The following NPHS1 variants were observed in gnomAD, a reference collection of about 807,000 sequenced individuals.
NPHS1 encodes NPHS1 adhesion molecule, nephrin.
NPHS1 carries 107 observed loss-of-function variants against 139.7 expected under a neutral mutation model. The ratio of observed to expected loss-of-function variants is 0.77; its 90% CI spans 0.66 to 0.90. NPHS1 has a LOEUF of 0.90. Among genes scored for constraint, NPHS1 ranks in the 40% least tolerant of loss-of-function variants. The pLI is 0.00. For synonymous variants in NPHS1, 707 were observed against 706.6 expected (o/e 1.00, Z -0.01); for missense variants, 1,580 against 1,654.2 (o/e 0.96, Z 0.78).
intron 28 of NPHS1, among the ~76,000 whole-genome samples, chr19:35,828,119 G>A (rs771293611): frequency 1.3e-5 from 2 of 152,090 alleles, no homozygotes; most frequent in Non-Finnish European, 2.9e-5. Context: ...AGCCCTAACT[G>A]GGGATGTATT....
chr19:35,849,655 T>G lies in NPHS1; in HGVS notation c.609-2A>C, dbSNP rs386833955. 2 of 1,608,128 alleles carry G rather than the reference T, an allele frequency of 1.2e-6. No homozygotes were observed. The highest frequency in any genetic ancestry group is 1.7e-6 in the Non-Finnish European group (2 of 1,174,714). On this transcript the variant is annotated splice_acceptor_variant, in intron 5 of 28. Transcript: ENST00000378910. LOFTEE classifies it high-confidence loss of function. The stretch of plus-strand genomic sequence containing the variant: ...TTATCTGAGCTCCGGGGTGTCACCC[T>G]GGGATGAGAAGTCAGGGTTATAGAG...
intron 28 of NPHS1, among the ~76,000 whole-genome samples, chr19:35,830,357 T>C: frequency 6.6e-6 from 1 of 152,254 alleles, no homozygotes; most frequent in South Asian, 2.1e-4. Context: ...CTCATTCATG[T>C]AGACTCGGTT....
At chr19:35,851,740 G>T (rs1177379493) in intron 1 of NPHS1, 40 bp downstream of exon 1, 1 of 1,558,624 alleles carries the variant, frequency 6.4e-7, no homozygotes, top group Admixed American at 1.9e-5. Flanking sequence ...GGGAAATGGG[G>T]GCCACTTGGC....
chr19:35,845,848 G>A lies in NPHS1; in HGVS notation c.1628-50C>T. 1 of 1,592,150 alleles carries A rather than the reference G, an allele frequency of 6.3e-7. No homozygotes were observed. The highest frequency in any genetic ancestry group is 8.6e-7 in the Non-Finnish European group (1 of 1,166,128). On this transcript the variant is annotated intron_variant, in intron 12 of 28. Coordinates refer to ENST00000378910, the MANE Select transcript of NPHS1 (RefSeq NM_004646.4). This position sits in a 1 kb window ranked among gnomAD's most constrained non-coding sequence, Gnocchi z 5.5. Reference sequence around the variant, plus strand: ...AGACTCAGAGGTTAGGGGCGGCCTGGTCTGCGTCCACCCCGCCTGCACCCC... The same window carrying A: ...AGACTCAGAGGTTAGGGGCGGCCTGATCTGCGTCCACCCCGCCTGCACCCC...
In NPHS1 at chr19:35,848,658, G is replaced by C; in HGVS notation, c.1149C>G (p.Pro383=). The C allele has an allele frequency of 6.2e-7, 1 of 1,613,822 alleles. No homozygotes were observed. The highest frequency in any genetic ancestry group is 8.5e-7 in the Non-Finnish European group (1 of 1,180,010). Residue 383 remains proline, a synonymous_variant, in exon 9 of 29, where the codon CCC becomes CCG. Coordinates refer to ENST00000378910, the MANE Select transcript of NPHS1 (RefSeq NM_004646.4). ...RWWLGWRQLL[P]MEETVMDGLH... is the part of the protein sequence containing the mutation. ...TCACATCCATGACTGTCTCCTCCAT[G>C]GGCAGCAGCTGCCGCCAGCCCAGCC...
Position 35,844,224 on chromosome 19 carries a change from G to A in NPHS1, c.2091C>T (p.Arg697=). The A allele has an allele frequency of 6.2e-7, 1 of 1,613,094 alleles. No homozygotes were observed. Among genetic ancestry groups the A allele is most frequent in the Non-Finnish European group, 8.5e-7 (1 of 1,179,938 alleles). The change falls in exon 16 of 29, where the codon CGC becomes CGT. Residue 697 remains arginine (R), a synonymous_variant. Coordinates refer to ENST00000378910, the MANE Select transcript of NPHS1 (RefSeq NM_004646.4). ...RLSPAGGPRH[R]ILSSGALHLW... is the part of the protein sequence containing the mutation. ...GATGCAGAGCCCCGCTGGACAGGAT[G>A]CGATGCCGGGGGCCGCCCGCTGGGG...
rs773027675 is a variant in NPHS1, at chr19:35,849,652, C to T, written c.610G>A (p.Val204Met). Residue 204 changes from valine (V) to methionine (M), a missense_variant and splice_region_variant, in exon 6 of 29, where the codon GTG (valine) becomes ATG (methionine). Transcript: ENST00000378910. ...KLFTVEATARVTPRSSDNRQL... is the reference protein window; with the variant it reads ...KLFTVEATARMTPRSSDNRQL... ...CTATTATCTGAGCTCCGGGGTGTCACCCTGGGATGAGAAGTCAGGGTTATA... is the reference window on the plus strand; with the variant it reads ...CTATTATCTGAGCTCCGGGGTGTCATCCTGGGATGAGAAGTCAGGGTTATA... 1.6e-5 allele frequency: 25 copies of T among 1,612,460 alleles called. No individual in the cohort carries two copies. In the Middle Eastern group the frequency reaches 1.6e-3, roughly 106 times the overall value.
Position 35,831,315 on chromosome 19 carries a change from C to A in NPHS1, c.3368G>T (p.Arg1123Leu). The A allele has an allele frequency of 1.2e-6, 2 of 1,614,002 alleles. No individual in the cohort carries two copies. Among genetic ancestry groups the A allele is most frequent in the African/African-American group, 1.3e-5 (1 of 74,996 alleles). ...ACTTACCGTGGAGCTCTGAGTGTCC[C>A]GCTCTCCTGTCCACTGGCTCTCCTC... ...EYEESQWTGE[R>L]DTQSSTVSTT... The change falls in exon 26 of 29, where the codon CGG becomes CTG. Residue 1123 changes from arginine (R) to leucine (L), a missense_variant. By Grantham distance (102) the Arg-to-Leu change is moderately radical. Coordinates refer to ENST00000378910, the MANE Select transcript of NPHS1 (RefSeq NM_004646.4).
chr19:35,827,358 G>A (rs1465940214), intron 28 of NPHS1, among the ~76,000 whole-genome samples: 1 of 152,006 alleles, frequency 6.6e-6, no homozygotes, highest in Non-Finnish European at 1.5e-5. Flanking sequence ...AGATACTCAG[G>A]AGGCTGAGGT....
In NPHS1 at chr19:35,826,629, T is replaced by C. The variant is rs756185982; in HGVS notation, c.3611A>G (p.His1204Arg). ...DEVQMGPWDL[H>R]WPEDTYQDPR... is the part of the protein sequence containing the mutation. ...ATCCTGATATGTGTCTTCAGGCCAG[T>C]GGAGGTCCCAGGGTCCCTGACAGGC... Residue 1204 changes from histidine (H) to arginine (R), a missense_variant, in exon 29 of 29, where the codon CAC (histidine) becomes CGC (arginine). Transcript: ENST00000378910. The C allele has an allele frequency of 9.9e-6, 16 of 1,614,088 alleles. No homozygotes were observed. In the East Asian group the frequency reaches 2.7e-4, roughly 27 times the overall value.
In NPHS1 at chr19:35,845,375, G is replaced by A. The variant is rs756902068; in HGVS notation, c.1923C>T (p.Asn641=). The change falls in exon 14 of 29, where the codon AAC becomes AAT. Residue 641 remains asparagine (N), a synonymous_variant. Transcript: ENST00000378910. This position sits in a 1 kb window ranked among gnomAD's most constrained non-coding sequence, Gnocchi z 5.5. ...TCAGGCCGGGGCACATACACAGTAC[G>A]TTGAGGCGATAGAAGGAGCTCACGG... ...RETVSSFYRL[N]VLYRPEFLGE... 1 of 1,614,260 alleles carries A rather than the reference G, an allele frequency of 6.2e-7. No individual in the cohort carries two copies. Among genetic ancestry groups the A allele is most frequent in the South Asian group, 1.1e-5 (1 of 91,088 alleles).
At chr19:35,829,339 C>T (rs950401571) in intron 28 of NPHS1, among the ~76,000 whole-genome samples, 1 of 152,190 alleles carries the variant, frequency 6.6e-6, no homozygotes, top group Non-Finnish European at 1.5e-5. Context: ...TTGAAGATTT[C>T]TAATCTCGTA....
At chr19:35,851,204 G>T in intron 3 of NPHS1, 58 bp downstream of exon 3, 1 of 1,613,366 alleles carries the variant, frequency 6.2e-7, no homozygotes, top group Non-Finnish European at 8.5e-7. Flanking sequence ...TCCGGGTTGC[G>T]GGGTAGGGGA....
chr19:35,825,505 T>A lies in NPHS1; in HGVS notation c.*1009A>T, dbSNP rs1303456279. 6.6e-6 allele frequency among the ~76,000 whole-genome samples: 1 copy of A among 152,170 alleles called. No homozygotes were observed. ...CCACCACCACAATCGTTATATAGAA[T>A]ATTTCCAACACCTCAGAAAGTTCTC... On this transcript the variant is annotated 3_prime_UTR_variant, in exon 29 of 29. Coordinates refer to ENST00000378910, the MANE Select transcript of NPHS1 (RefSeq NM_004646.4).
At position 35,851,858 on chromosome 19, in the gene NPHS1, C is replaced by T; in HGVS notation, c.-21G>A. On this transcript the variant is annotated 5_prime_UTR_variant, in exon 1 of 29. Transcript: ENST00000378910. ...GCCATCACAGGTCCCCCTACTGTGA[C>T]CCCCACAGCGCCCGCTGCCAGCCAC... 1 of 1,548,734 alleles carries T rather than the reference C, an allele frequency of 6.5e-7. No individual in the cohort carries two copies. Among genetic ancestry groups the T allele is most frequent in the Non-Finnish European group, 8.7e-7 (1 of 1,145,368 alleles).
rs1318330906 is a variant in NPHS1 at position 35,852,298 on chromosome 19, C to G, written c.-461G>C. ...TCCTTTTGTCTCTGTCTCTTCCTCTCTCTCTGTCTCTCTCTCTCTCTCTCT... is the reference window on the plus strand; with the variant it reads ...TCCTTTTGTCTCTGTCTCTTCCTCTGTCTCTGTCTCTCTCTCTCTCTCTCT... On this transcript the variant is annotated 5_prime_UTR_variant, in exon 1 of 29. Coordinates refer to ENST00000378910, the MANE Select transcript of NPHS1 (RefSeq NM_004646.4). 6.7e-6 allele frequency among the ~76,000 whole-genome samples: 1 copy of G among 149,106 alleles called. No individual in the cohort carries two copies. The highest frequency in any genetic ancestry group is 1.9e-4 in the East Asian group (1 of 5,160).
intron 20 of NPHS1, among the ~76,000 whole-genome samples, chr19:35,840,534 C>T (rs1568452563): frequency 2.0e-5 from 3 of 151,232 alleles, no homozygotes; most frequent in Non-Finnish European, 2.9e-5. Flanking sequence ...CGGGTTTTCA[C>T]TATGTTAGCC....
At chr19:35,841,493 C>T (rs573206743) in intron 20 of NPHS1, among the ~76,000 whole-genome samples, 9 of 152,180 alleles carry the variant, frequency 5.9e-5, no homozygotes, top group Non-Finnish European at 1.2e-4. Flanking sequence ...CAAGTACCCC[C>T]TCTCCATCTT....
At chr19:35,837,928 G>A (rs929803782) in intron 22 of NPHS1, among the ~76,000 whole-genome samples, 9 of 128,886 alleles carry the variant, frequency 7.0e-5, no homozygotes, top group Non-Finnish European at 1.4e-4. Context: ...TGCATTTGAG[G>A]TTATTCTCTT....
Sources: gnomAD v4.1 joint callset for allele counts (sites outside exome capture counted in the v4.1 genomes callset) on GRCh38, gnomAD v4.1.1 for gene constraint, Gnocchi (gnomAD v3.1) non-coding constraint, MANE v1.5 for transcripts, NCBI Gene and HGNC (gene_info 2026-07-23, HGNC 2026-07-21) for gene names.